USP49: variants seen among roughly 807,000 people sequenced by gnomAD.
USP49 encodes ubiquitin carboxyl-terminal hydrolase 49.
Under a neutral mutation model 58.6 loss-of-function variants are expected in USP49, and 24 were observed. The ratio of observed to expected loss-of-function variants is 0.41; its 90% CI spans 0.30 to 0.58. The LOEUF (loss-of-function observed/expected upper bound fraction) is 0.58. Ranked by LOEUF, USP49 falls within the 20% of genes least tolerant of loss-of-function variation. The pLI is 0.30. For synonymous variants in USP49, 408 were observed against 365.1 expected (o/e 1.12, Z -1.34); for missense variants, 703 against 866.1 (o/e 0.81, Z 2.36).
At chr6:41,839,851 AGG>A (rs1202131606) in intron 3 of USP49, among the ~76,000 whole-genome samples, 1 of 122,570 alleles carries the variant, frequency 8.2e-6, no homozygotes, top group Non-Finnish European at 1.7e-5. Flanking sequence ...TTAGGGTGGG[AGG>A]GGGTAAGGGA....
intron 2 of USP49, among the ~76,000 whole-genome samples, chr6:41,882,786 C>T (rs1183235582): frequency 6.6e-6 from 1 of 152,046 alleles, no homozygotes; most frequent in Admixed American, 6.6e-5. Context: ...CATGGTGGCA[C>T]GCGTCTGTAG....
intron 3 of USP49, among the ~76,000 whole-genome samples, chr6:41,841,425 C>A (rs969187606): frequency 6.6e-5 from 10 of 152,150 alleles, no homozygotes; most frequent in Admixed American, 6.6e-4. Flanking sequence ...GCTTTCATTG[C>A]ATTATAGGTT....
At chr6:41,816,010 G>A (rs1773343436) in intron 3 of USP49, among the ~76,000 whole-genome samples, 1 of 152,240 alleles carries the variant, frequency 6.6e-6, no homozygotes, top group African/African-American at 2.4e-5. Context: ...GGCTATCCCT[G>A]TGGCCATGCA....
At chr6:41,856,763 T>A (rs141967999) in intron 3 of USP49, among the ~76,000 whole-genome samples, 1 of 152,324 alleles carries the variant, frequency 6.6e-6, no homozygotes, top group African/African-American at 2.4e-5. Context: ...ACAAGTACAG[T>A]AAGATATTTT....
rs563762721 is a variant in USP49 at position 41,807,602 on chromosome 6, C to T, written c.-28-591G>A. Among the ~76,000 whole-genome samples, 30 of 152,108 alleles carry T rather than the reference C, an allele frequency of 2.0e-4. No individual in the cohort carries two copies. In the South Asian group the frequency reaches 6.0e-3, roughly 31 times the overall value. On this transcript the variant is annotated intron_variant, in intron 3 of 7. Transcript: ENST00000682992. ...ATTACTGACGCCACGCCACCACACC[C>T]GGCTAATTTTTGTATTTTTAGTAGA...
At chr6:41,849,435 A>T (rs1370877752) in intron 3 of USP49, among the ~76,000 whole-genome samples, 1 of 152,130 alleles carries the variant, frequency 6.6e-6, no homozygotes, top group East Asian at 1.9e-4. Flanking sequence ...GAACAACATT[A>T]TACACCAAAT....
In USP49 at chr6:41,792,433, C is replaced by A. The variant is rs528868366; in HGVS notation, c.*4100G>T. ...TAAAGACTAAAAGGCCTTTTCTCAA[C>A]ATTTGTGCTCTCCCAACCACCTGGG... is the stretch of plus-strand genomic sequence containing the variant. On this transcript the variant is annotated 3_prime_UTR_variant, in exon 8 of 8. Coordinates refer to ENST00000682992, the MANE Select transcript of USP49 (RefSeq NM_001286554.2). 6.6e-6 allele frequency: 1 copy of A among 152,356 alleles called. No homozygotes were observed. The highest frequency in any genetic ancestry group is 1.9e-4 in the East Asian group (1 of 5,182). 9.4% of individuals were successfully genotyped at this position (152,356 alleles called of 1,614,324 possible).
chr6:41,802,479 A>ATTT (rs11323812), intron 5 of USP49, among the ~76,000 whole-genome samples: 5 of 79,814 alleles, frequency 6.3e-5, no homozygotes, highest in Admixed American at 1.6e-4. Flanking sequence ...TTTTTTATTT[A>ATTT]TTTTTTTTTT....
At chr6:41,886,890 C>T (rs1265115203) in intron 2 of USP49, among the ~76,000 whole-genome samples, 1 of 152,186 alleles carries the variant, frequency 6.6e-6, no homozygotes, top group Non-Finnish European at 1.5e-5. Context: ...CAGAGTGAGA[C>T]TCTATCTCAA....
intron 3 of USP49, among the ~76,000 whole-genome samples, chr6:41,870,051 G>A (rs561698470): frequency 1.2e-4 from 19 of 152,268 alleles, no homozygotes; most frequent in African/African-American, 2.2e-4. Context: ...ATGGTTAACC[G>A]TATCTGAGAT....
rs552987666 is a variant in USP49 at position 41,838,132 on chromosome 6, A to G, written c.-28-31121T>C. On this transcript the variant is annotated intron_variant, in intron 3 of 7. Coordinates refer to ENST00000682992, the MANE Select transcript of USP49 (RefSeq NM_001286554.2). ...TACCCAAAGGAATATAAATCACTCT[A>G]CCATAAAGACACATGCATGCATATG... 2.6e-5 allele frequency among the ~76,000 whole-genome samples: 4 copies of G among 152,330 alleles called. No homozygotes were observed. The East Asian group carries it at 7.7e-4, about 29-fold the overall frequency.
At chr6:41,872,808 AGGCAGG>A (rs1774435336) in intron 2 of USP49, 1 of 150,248 alleles carries the variant, frequency 6.7e-6, no homozygotes, top group Non-Finnish European at 1.5e-5. Flanking sequence ...CAGGAGGCTG[AGGCAGG>A]AGAATGGCGT....
intron 3 of USP49, among the ~76,000 whole-genome samples, chr6:41,865,457 C>T (rs1247388055): frequency 6.6e-6 from 1 of 152,040 alleles, no homozygotes; most frequent in Non-Finnish European, 1.5e-5. Flanking sequence ...GCTGGGGTTC[C>T]ACGTAAAATT....
intron 3 of USP49, among the ~76,000 whole-genome samples, chr6:41,866,776 T>C (rs981430200): frequency 2.6e-5 from 4 of 152,214 alleles, no homozygotes; most frequent in African/African-American, 4.8e-5. Flanking sequence ...GAAGACTTCA[T>C]TGCACACTCG....
chr6:41,866,753 T>G (rs1020506318), intron 3 of USP49, among the ~76,000 whole-genome samples: 2 of 151,240 alleles, frequency 1.3e-5, no homozygotes, highest in African/African-American at 4.9e-5. Context: ...AACTGCACAT[T>G]ATGTAGCCTC....
chr6:41,802,448 A>T (rs1317760788), intron 5 of USP49, among the ~76,000 whole-genome samples: 82 of 53,210 alleles, frequency 1.5e-3, no homozygotes, highest in South Asian at 2.7e-3. Context: ...TTATTTATTT[A>T]TTTATTTATT....
chr6:41,873,056 G>A (rs1316369967), intron 2 of USP49: 1 of 152,282 alleles, frequency 6.6e-6, no homozygotes, highest in Non-Finnish European at 1.5e-5. Context: ...GCATTAGACA[G>A]GGAAGAATTT....
At position 41,791,105 on chromosome 6, in the gene USP49, C is replaced by A. The variant is rs1243645865; in HGVS notation, c.*5428G>T. On this transcript the variant is annotated 3_prime_UTR_variant, in exon 8 of 8. Coordinates refer to ENST00000682992, the MANE Select transcript of USP49 (RefSeq NM_001286554.2). ...CATGACTGGACAGTTTTGATAAAAACTTCCAAAATTGAAAATCAAAATCCA... is the reference window on the plus strand; with the variant it reads ...CATGACTGGACAGTTTTGATAAAAAATTCCAAAATTGAAAATCAAAATCCA... 6.6e-6 allele frequency: 1 copy of A among 152,194 alleles called. No individual in the cohort carries two copies. The highest frequency in any genetic ancestry group is 1.5e-5 in the Non-Finnish European group (1 of 68,020). 9.4% of individuals were successfully genotyped at this position (152,194 alleles called of 1,614,324 possible).
chr6:41,878,333 T>G (rs1387918105), intron 2 of USP49, among the ~76,000 whole-genome samples: 1 of 152,156 alleles, frequency 6.6e-6, no homozygotes, highest in African/African-American at 2.4e-5. Flanking sequence ...CTTTATAATT[T>G]TAACTGACAG....
Sources: allele counts gnomAD v4.1 joint callset (sites outside exome capture counted in the v4.1 genomes callset), GRCh38; gene constraint gnomAD v4.1.1; transcripts MANE v1.5; gene names NCBI Gene and HGNC (gene_info 2026-07-23, HGNC 2026-07-21).